Variants in CHD7 observed in about 807,000 individuals in gnomAD.
The protein encoded by CHD7 is ATP-dependent chromatin remodeler CHD7.
CHD7 carries 24 observed loss-of-function variants against 307.3 expected under a neutral mutation model. The observed-to-expected ratio is 0.08, with a 90% CI of 0.06 to 0.11. CHD7 has a LOEUF of 0.11. Ranked by LOEUF, CHD7 falls within the 10% of genes least tolerant of loss-of-function variation. CHD7 has a pLI of 1.00. For synonymous variants in CHD7, 1,363 were observed against 1,349.9 expected, an observed-to-expected ratio of 1.01 and a Z score of -0.21; for missense variants, 3,106 against 3,727.1, an observed-to-expected ratio of 0.83 and a Z score of 4.34.
chr8:60,705,955 T>G (rs1415970549), intron 1 of CHD7, among the ~76,000 whole-genome samples: 1 of 152,196 alleles, frequency 6.6e-6, no homozygotes, highest in East Asian at 1.9e-4. Context: ...AAGAAGAAAC[T>G]TTGGATTTCC....
Position 60,852,623 on chromosome 8 carries a change from C to T in CHD7, c.6020C>T (p.Ser2007Phe). The T allele has an allele frequency of 6.2e-7, 1 of 1,613,960 alleles. No individual in the cohort carries two copies. Among genetic ancestry groups the T allele is most frequent in the Non-Finnish European group, 8.5e-7 (1 of 1,179,886 alleles). The change falls in exon 30 of 38, where the codon TCT becomes TTT. Residue 2007 changes from serine to phenylalanine, a missense_variant. This residue lies in a region of CHD7 where 1,030 missense variants were observed against 1,165.4 expected (regional missense o/e 0.88). Coordinates refer to ENST00000423902, the MANE Select transcript of CHD7 (RefSeq NM_017780.4). ...FRAFARLDKKSDESLEKYFSC... is the reference protein window; with the variant it reads ...FRAFARLDKKFDESLEKYFSC... ...GCCTTTGCCAGGCTTGACAAAAAAT[C>T]TGATGAGAGTTTGGAGAAATACTTC...
At chr8:60,840,611 T>C (rs1804928419) in intron 19 of CHD7, among the ~76,000 whole-genome samples, 1 of 140,936 alleles carries the variant, frequency 7.1e-6, no homozygotes, top group Non-Finnish European at 1.5e-5. Context: ...TTTTACCTTT[T>C]AAAGAATATG....
Position 60,866,049 on chromosome 8 carries a change from GC to G in CHD7, c.*117del, listed in dbSNP as rs199823121. The G allele has an allele frequency of 2.0e-6, 2 of 979,410 alleles. No individual in the cohort carries two copies. Among genetic ancestry groups the G allele is most frequent in the South Asian group, 1.7e-5 (1 of 59,204 alleles). The allele number at this position is 979,410 out of a possible 1,614,324, so 60.7% of individuals were successfully genotyped here. A position where few individuals can be genotyped will look rare whatever the true frequency, so the allele number is the denominator to read the frequency against. On this transcript the variant is annotated 3_prime_UTR_variant, in exon 38 of 38. Transcript: ENST00000423902. ...ATAAGCTGTTCTGTAACATAGTGTA[GC>G]AAAAAAAAAAGTTCAAGTCATGTTA...
chr8:60,782,422 T>A (rs557014457), intron 3 of CHD7, among the ~76,000 whole-genome samples: 1 of 152,350 alleles, frequency 6.6e-6, no homozygotes, highest in African/African-American at 2.4e-5. Context: ...GCTAGAAAGA[T>A]GTTGCCTTGA....
At chr8:60,759,510 C>CTT (rs960345656) in intron 2 of CHD7, among the ~76,000 whole-genome samples, 5 of 147,784 alleles carry the variant, frequency 3.4e-5, no homozygotes. Flanking sequence ...CCTCTCCCTC[C>CTT]CTCTCTCCCT....
intron 1 of CHD7, among the ~76,000 whole-genome samples, chr8:60,738,782 C>T (rs1339998967): frequency 6.6e-6 from 1 of 152,112 alleles, no homozygotes; most frequent in East Asian, 1.9e-4. Flanking sequence ...ACTTCTCTGC[C>T]TGGACCTTAC....
intron 6 of CHD7, 115 bp from the exon 7 acceptor site, chr8:60,808,102 G>T: frequency 1.3e-6 from 1 of 747,160 alleles, no homozygotes; most frequent in Middle Eastern, 3.5e-4. Context: ...TTACGTGAAG[G>T]TCCTTTGCTG....
intron 2 of CHD7, 46 bp from the exon 3 acceptor site, chr8:60,780,954 T>C: frequency 6.8e-7 from 1 of 1,461,048 alleles, no homozygotes; most frequent in Non-Finnish European, 9.0e-7. Context: ...TTTTCTTTAC[T>C]GTGAAGAATG....
chr8:60,862,837 A>G (rs1806067720), intron 37 of CHD7, 185 bp downstream of exon 37: 1 of 511,960 alleles, frequency 2.0e-6, no homozygotes, highest in Admixed American at 3.4e-5. Flanking sequence ...AAGTGAATTC[A>G]TTTATCAGCT....
chr8:60,854,313 G>A, intron 31 of CHD7, 50 bp from the exon 32 acceptor site: 1 of 1,553,632 alleles, frequency 6.4e-7, no homozygotes. Flanking sequence ...CTAAACTTCA[G>A]TTTCCCTGAT....
At chr8:60,727,329 T>C (rs1226165692) in intron 1 of CHD7, among the ~76,000 whole-genome samples, 1 of 152,166 alleles carries the variant, frequency 6.6e-6, no homozygotes, top group Non-Finnish European at 1.5e-5. Context: ...GGTTTCCCCA[T>C]GTTGACCAGG....
chr8:60,828,561 A>G, intron 13 of CHD7, 102 bp from the exon 14 acceptor site: 1 of 1,043,846 alleles, frequency 9.6e-7, no homozygotes, highest in East Asian at 2.6e-5. Flanking sequence ...TGCATAGGGT[A>G]GATGAGTAGG....
chr8:60,730,675 A>G (rs1808405625), intron 1 of CHD7, among the ~76,000 whole-genome samples: 2 of 152,162 alleles, frequency 1.3e-5, no homozygotes, highest in Non-Finnish European at 1.5e-5. Context: ...CCTGGCTAAC[A>G]TGGTGAAACC....
intron 2 of CHD7, among the ~76,000 whole-genome samples, chr8:60,751,387 C>A (rs1271503211): frequency 6.6e-6 from 1 of 152,154 alleles, no homozygotes; most frequent in Non-Finnish European, 1.5e-5. Flanking sequence ...TCTGGTACAG[C>A]AGAGCAATAG....
chr8:60,700,232 G>T (rs1179484338), intron 1 of CHD7, among the ~76,000 whole-genome samples: 2 of 152,188 alleles, frequency 1.3e-5, no homozygotes, highest in African/African-American at 2.4e-5. Flanking sequence ...TTAGTACTTG[G>T]TGATTGCTTG....
intron 2 of CHD7, among the ~76,000 whole-genome samples, chr8:60,753,196 C>T (rs893764954): frequency 6.6e-6 from 1 of 152,090 alleles, no homozygotes; most frequent in Non-Finnish European, 1.5e-5. Flanking sequence ...TTTTTGTCAT[C>T]GATTTCTCTG....
In CHD7 at chr8:60,748,121, A is replaced by C. The variant is rs1809425198; in HGVS notation, c.1665+5024A>C. Among the ~76,000 whole-genome samples, 5 of 152,188 alleles carry C rather than the reference A, an allele frequency of 3.3e-5. No individual in the cohort carries two copies. In the South Asian group the frequency reaches 1.0e-3, roughly 32 times the overall value. The stretch of plus-strand genomic sequence containing the variant: ...ACAATCTTGCTGTGTGAGCAGGAAG[A>C]TGCAGGCAAGAATATGCCATGAAAA... On this transcript the variant is annotated intron_variant, in intron 2 of 37. Coordinates refer to ENST00000423902, the MANE Select transcript of CHD7 (RefSeq NM_017780.4).
rs1804810313 is a variant in CHD7 at position 60,837,933 on chromosome 8, T to C, written c.4353+98T>C. The C allele has an allele frequency of 2.3e-6, 3 of 1,321,330 alleles. No homozygotes were observed. The African/African-American group carries it at 4.5e-5, about 20-fold the overall frequency. The allele number at this position is 1,321,330 out of a possible 1,614,324, so 81.9% of individuals were successfully genotyped here. ...CTCAGCCTTTGATTATTTTTCGACC[T>C]CAATATTTTAAGTGTATTTTGTAAC... On this transcript the variant is annotated intron_variant, in intron 18 of 37. Coordinates refer to ENST00000423902, the MANE Select transcript of CHD7 (RefSeq NM_017780.4).
intron 5 of CHD7, among the ~76,000 whole-genome samples, chr8:60,801,031 T>TA (rs1397383036): frequency 2.0e-5 from 3 of 152,212 alleles, no homozygotes; most frequent in East Asian, 3.8e-4. Flanking sequence ...AGATCTTTTC[T>TA]AAAAAAATAA....
Sources: gnomAD v4.1 joint callset for allele counts (sites outside exome capture counted in the v4.1 genomes callset) on GRCh38, gnomAD v4.1.1 for gene constraint, gnomAD v4.1.1 regional missense constraint, MANE v1.5 for transcripts, NCBI Gene and HGNC (gene_info 2026-07-23, HGNC 2026-07-21) for gene names.